TMEM167A: variants seen among roughly 807,000 people sequenced by gnomAD.
The protein encoded by TMEM167A is transmembrane protein 167A.
TMEM167A carries 8 observed loss-of-function variants against 11.6 expected under a neutral mutation model. That is an observed-to-expected ratio of 0.69 (90% CI 0.40 to 1.24). TMEM167A has a LOEUF of 1.24. Ranked by LOEUF, TMEM167A falls within the 50% of genes most tolerant of loss-of-function variation. TMEM167A has a pLI of 0.01. For missense variants in TMEM167A, 62 were observed against 87.0 expected (o/e 0.71, Z 1.14); for synonymous variants, 22 against 28.0 (o/e 0.79, Z 0.67).
At chr5:83,074,065 C>G (rs1324762390) in intron 1 of TMEM167A, among the ~76,000 whole-genome samples, 1 of 152,202 alleles carries the variant, frequency 6.6e-6, no homozygotes, top group Non-Finnish European at 1.5e-5. Context: ...TGCTCCAAAG[C>G]CTTTATCAAG....
chr5:83,055,336 T>G lies in TMEM167A; in HGVS notation c.*1748A>C, dbSNP rs1744312939. ...TGACATGGCTTTCGGAAAGTCCAGT[T>G]GGCAGCAGAGCTGGACAACAGATGG... On this transcript the variant is annotated 3_prime_UTR_variant, in exon 4 of 4. Coordinates refer to ENST00000502346, the MANE Select transcript of TMEM167A (RefSeq NM_174909.5). The G allele has an allele frequency of 6.6e-6, 1 of 151,982 alleles. No homozygotes were observed. 9.4% of individuals were successfully genotyped at this position (151,982 alleles called of 1,614,324 possible). A position where few individuals can be genotyped will look rare whatever the true frequency, so the allele number is the denominator to read the frequency against.
intron 1 of TMEM167A, 140 bp downstream of exon 1, chr5:83,077,179 TGG>T: frequency 1.7e-6 from 2 of 1,185,014 alleles, no homozygotes; most frequent in Non-Finnish European, 2.5e-6. Flanking sequence ...TCTCTCTGGT[TGG>T]CCGTGGAGGG....
rs1744299235 is a variant in TMEM167A at position 83,054,374 on chromosome 5, C to T, written c.*2710G>A. The T allele has an allele frequency of 1.4e-5, 2 of 139,628 alleles. No homozygotes were observed. Among genetic ancestry groups the T allele is most frequent in the African/African-American group, 6.7e-5 (2 of 29,808 alleles). 8.6% of individuals were successfully genotyped at this position (139,628 alleles called of 1,614,324 possible). A position where few individuals can be genotyped will look rare whatever the true frequency, so the allele number is the denominator to read the frequency against. On this transcript the variant is annotated 3_prime_UTR_variant, in exon 4 of 4. Coordinates refer to ENST00000502346, the MANE Select transcript of TMEM167A (RefSeq NM_174909.5). Reference sequence around the variant, plus strand: ...CCCTTCCTATTAGCACAGCTGAAGCCAATCCAGAACTAAACATCAGCACAC... The same window carrying T: ...CCCTTCCTATTAGCACAGCTGAAGCTAATCCAGAACTAAACATCAGCACAC...
rs1424912679 is a variant in TMEM167A at position 83,064,946 on chromosome 5, T to C, written c.113+62A>G. Reference sequence around the variant, plus strand: ...ATTAAATTATCTAATAATTTATATGTTAACTTACATTGAACATTTGTAAGA... The same window carrying C: ...ATTAAATTATCTAATAATTTATATGCTAACTTACATTGAACATTTGTAAGA... On this transcript the variant is annotated intron_variant, in intron 2 of 3. Transcript: ENST00000502346. The C allele has an allele frequency of 4.1e-6, 4 of 971,782 alleles. No homozygotes were observed. The African/African-American group carries it at 5.0e-5, about 12-fold the overall frequency. The allele number at this position is 971,782 out of a possible 1,614,324, so 60.2% of individuals were successfully genotyped here.
chr5:83,072,262 T>C (rs1018082071), intron 1 of TMEM167A, among the ~76,000 whole-genome samples: 3 of 152,002 alleles, frequency 2.0e-5, no homozygotes, highest in Non-Finnish European at 4.4e-5. Context: ...CAATGATAAA[T>C]GGTAGAGTGA....
intron 2 of TMEM167A, chr5:83,064,157 T>C: frequency 2.0e-6 from 1 of 495,628 alleles, no homozygotes; most frequent in Non-Finnish European, 4.0e-6. Flanking sequence ...TTGACTGTAT[T>C]AGTACATATT....
intron 1 of TMEM167A, 89 bp downstream of exon 1, chr5:83,077,232 C>T: frequency 6.3e-7 from 1 of 1,598,274 alleles, no homozygotes. Flanking sequence ...GGCCCACACA[C>T]CCCGGGCTGC....
At chr5:83,066,318 T>C (rs904182766) in intron 1 of TMEM167A, among the ~76,000 whole-genome samples, 4 of 152,118 alleles carry the variant, frequency 2.6e-5, no homozygotes, top group African/African-American at 9.7e-5. Flanking sequence ...AAACAAAGAA[T>C]GACTCATGAG....
intron 1 of TMEM167A, among the ~76,000 whole-genome samples, chr5:83,072,283 GAATA>G (rs1200064594): frequency 2.0e-5 from 3 of 152,054 alleles, no homozygotes; most frequent in Non-Finnish European, 2.9e-5. Flanking sequence ...AAAAAAATTA[GAATA>G]AATGCTCCAT....
intron 1 of TMEM167A, among the ~76,000 whole-genome samples, chr5:83,067,522 A>T (rs1744500572): frequency 6.6e-6 from 1 of 151,994 alleles, no homozygotes; most frequent in South Asian, 2.1e-4. Flanking sequence ...TGGGGGGTGG[A>T]GGGACAGAGT....
chr5:83,075,925 C>T (rs1175821281), intron 1 of TMEM167A, among the ~76,000 whole-genome samples: 2 of 152,124 alleles, frequency 1.3e-5, no homozygotes, highest in Non-Finnish European at 2.9e-5. Flanking sequence ...AAACAATGTA[C>T]TTTTGACATC....
In TMEM167A at chr5:83,055,646, C is replaced by G. The variant is rs1424165117; in HGVS notation, c.*1438G>C. On this transcript the variant is annotated 3_prime_UTR_variant, in exon 4 of 4. Transcript: ENST00000502346. ...AAATCAAACCAAAACCAAAAAACAC[C>G]CCCAAACAAAAAACCACCACAGGCA... is the stretch of plus-strand genomic sequence containing the variant. The G allele has an allele frequency of 6.6e-6, 1 of 151,724 alleles. No individual in the cohort carries two copies. Among genetic ancestry groups the G allele is most frequent in the Non-Finnish European group, 1.5e-5 (1 of 67,846 alleles). The allele number at this position is 151,724 out of a possible 1,614,324, so 9.4% of individuals were successfully genotyped here.
At chr5:83,060,883 T>G (rs2112240228) in intron 3 of TMEM167A, among the ~76,000 whole-genome samples, 1 of 152,190 alleles carries the variant, frequency 6.6e-6, no homozygotes, top group South Asian at 2.1e-4. Flanking sequence ...TGTTAATTGA[T>G]TCACTTAATC....
At chr5:83,067,835 T>C (rs1289150350) in intron 1 of TMEM167A, among the ~76,000 whole-genome samples, 3 of 152,148 alleles carry the variant, frequency 2.0e-5, no homozygotes, top group Non-Finnish European at 4.4e-5. Context: ...TCTCAACTTT[T>C]CTAGATTTCT....
At chr5:83,067,513 G>T (rs1433068900) in intron 1 of TMEM167A, among the ~76,000 whole-genome samples, 3 of 151,926 alleles carry the variant, frequency 2.0e-5, no homozygotes, top group African/African-American at 7.3e-5. Flanking sequence ...GTTTTTTGGT[G>T]GGGGGTGGAG....
At chr5:83,065,197 G>GCTA in intron 1 of TMEM167A, 80 bp from the exon 2 acceptor site, 1 of 876,184 alleles carries the variant, frequency 1.1e-6, no homozygotes, top group Non-Finnish European at 1.8e-6. Context: ...TCCACATTTA[G>GCTA]AGTCATGTTT....
chr5:83,071,327 C>T (rs991306495), intron 1 of TMEM167A: 2 of 152,102 alleles, frequency 1.3e-5, no homozygotes, highest in African/African-American at 2.4e-5. Flanking sequence ...TTTAAAAACT[C>T]CAAATAGTAA....
In TMEM167A at chr5:83,077,358, TC is replaced by T. The variant is rs768514670; in HGVS notation, c.-36del. 6.2e-7 allele frequency: 1 copy of T among 1,614,090 alleles called. No individual in the cohort carries two copies. Among genetic ancestry groups the T allele is most frequent in the South Asian group, 1.1e-5 (1 of 91,076 alleles). On this transcript the variant is annotated 5_prime_UTR_variant, in exon 1 of 4. Coordinates refer to ENST00000502346, the MANE Select transcript of TMEM167A (RefSeq NM_174909.5). The stretch of plus-strand genomic sequence containing the variant: ...GGCGATGCCGCAGCCACATCACCCT[TC>T]CGGGGCTCAGGCGGAAGAGGCTGCA...
intron 1 of TMEM167A, chr5:83,071,355 A>G (rs1253283390): frequency 5.3e-5 from 8 of 152,196 alleles, no homozygotes; most frequent in Admixed American, 2.6e-4. Context: ...ACTTGTATTA[A>G]TACTTACTTC....
Sources: gnomAD v4.1 joint callset for allele counts (sites outside exome capture counted in the v4.1 genomes callset) on GRCh38, gnomAD v4.1.1 for gene constraint, MANE v1.5 for transcripts, NCBI Gene and HGNC (gene_info 2026-07-23, HGNC 2026-07-21) for gene names.